CUBN: variants seen among roughly 807,000 people sequenced by gnomAD.
CUBN encodes the protein cubilin.
Under a neutral mutation model 405.3 loss-of-function variants are expected in CUBN, and 282 were observed. The observed-to-expected ratio is 0.70, with a 90% CI of 0.63 to 0.77. CUBN has a LOEUF of 0.77. CUBN is among the 30% of genes least tolerant of loss of function. The probability of loss-of-function intolerance (pLI) is 0.00; values close to 1 mark genes in which losing one functional copy is unlikely to be tolerated. For synonymous variants in CUBN, 1,684 were observed against 1,617.0 expected, an observed-to-expected ratio of 1.04 and a Z score of -0.99; for missense variants, 4,514 against 4,475.2, an observed-to-expected ratio of 1.01 and a Z score of -0.25.
intron 6 of CUBN, among the ~76,000 whole-genome samples, chr10:17,121,094 T>C (rs1336717519): frequency 6.6e-6 from 1 of 152,152 alleles, no homozygotes; most frequent in Non-Finnish European, 1.5e-5. Flanking sequence ...TTCATTTAAA[T>C]GAGAAACAGA....
At chr10:17,107,272 A>G (rs895593159) in intron 10 of CUBN, among the ~76,000 whole-genome samples, 1 of 152,188 alleles carries the variant, frequency 6.6e-6, no homozygotes, top group Admixed American at 6.5e-5. Context: ...TTTCTCACTT[A>G]ATAGCAAAAA....
chr10:16,869,293 G>A (rs545426503), intron 59 of CUBN, among the ~76,000 whole-genome samples: 10 of 150,838 alleles, frequency 6.6e-5, no homozygotes, highest in East Asian at 2.0e-4. Context: ...AGCCTCCTGC[G>A]TAGCTGGGAT....
intron 59 of CUBN, among the ~76,000 whole-genome samples, chr10:16,863,564 T>C (rs1840079081): frequency 6.6e-6 from 1 of 151,332 alleles, no homozygotes; most frequent in South Asian, 2.1e-4. Context: ...GACATATACA[T>C]ATATTTTTTA....
At chr10:16,862,158 T>TCACACACACA (rs796948941) in intron 59 of CUBN, among the ~76,000 whole-genome samples, 3 of 90,848 alleles carry the variant, frequency 3.3e-5, no homozygotes, top group South Asian at 4.5e-4. Flanking sequence ...TCTCTCTCTC[T>TCACACACACA]CTCACACACA....
At chr10:16,922,132 A>G (rs1842051507) in intron 43 of CUBN, among the ~76,000 whole-genome samples, 1 of 137,960 alleles carries the variant, frequency 7.2e-6, no homozygotes, top group African/African-American at 2.6e-5. Context: ...CCATGAGGAC[A>G]TGGATTTTGT....
intron 14 of CUBN, among the ~76,000 whole-genome samples, chr10:17,090,966 G>A (rs1157875057): frequency 1.3e-5 from 2 of 151,864 alleles, no homozygotes; most frequent in Non-Finnish European, 2.9e-5. Context: ...GTCTAGAGAC[G>A]ATGACACACC....
At position 16,939,004 on chromosome 10, in the gene CUBN, C is replaced by T. The variant is rs1486145052; in HGVS notation, c.5692G>A (p.Asp1898Asn). 6 of 1,613,866 alleles carry T rather than the reference C, an allele frequency of 3.7e-6. No individual in the cohort carries two copies. The highest frequency in any genetic ancestry group is 1.1e-5 in the South Asian group (1 of 91,070). Residue 1898 changes from aspartate to asparagine, a missense_variant, in exon 38 of 67, where the codon GAC becomes AAC. Transcript: ENST00000377833. ...HVVHGRILEMDIEEIQNCYYD... is the reference protein window; with the variant it reads ...HVVHGRILEMNIEEIQNCYYD... Reference sequence around the variant, plus strand: ...TAGCAGTTTTGTATTTCTTCTATGTCCATCTCCAAGATTCTACCATGGACA... The same window carrying T: ...TAGCAGTTTTGTATTTCTTCTATGTTCATCTCCAAGATTCTACCATGGACA...
Position 16,828,834 on chromosome 10 carries a change from A to C in CUBN, c.10735T>G (p.Ser3579Ala). 2.5e-6 allele frequency: 4 copies of C among 1,613,786 alleles called. No individual in the cohort carries two copies. The highest frequency in any genetic ancestry group is 3.4e-6 in the Non-Finnish European group (4 of 1,179,684). The stretch of plus-strand genomic sequence containing the variant: ...CCGCAGTATGGTCCAGAGGATGGAG[A>C]GCTGGCGTTGGGCCCATCATAGAGT... ...LTLYDGPNAS[S>A]PSSGPYCGGD... is the part of the protein sequence containing the mutation. The change falls in exon 66 of 67, where the codon TCT becomes GCT. Residue 3579 changes from serine to alanine, a missense_variant. Physicochemically the swap from Ser to Ala is moderately conservative, Grantham distance 99. Transcript: ENST00000377833.
chr10:17,043,936 A>G lies in CUBN; in HGVS notation c.3720T>C (p.Cys1240=), dbSNP rs751959873. 7 of 1,613,684 alleles carry G rather than the reference A, an allele frequency of 4.3e-6. No homozygotes were observed. Among genetic ancestry groups the G allele is most frequent in the Non-Finnish European group, 5.9e-6 (7 of 1,179,732 alleles). The change falls in exon 26 of 67, where the codon TGT becomes TGC. Residue 1240 remains cysteine, a synonymous_variant. Transcript: ENST00000377833. ...SSNSHLLTQL[C]GDEKPPLIRS... ...GAATAAGAGGGGGTTTCTCATCCCC[A>G]CAAAGCTGAGTTAGCAGATGAGAGT... is the stretch of plus-strand genomic sequence containing the variant.
At chr10:17,096,732 CA>C (rs1836382408) in intron 14 of CUBN, among the ~76,000 whole-genome samples, 1 of 151,794 alleles carries the variant, frequency 6.6e-6, no homozygotes, top group Non-Finnish European at 1.5e-5. Flanking sequence ...ATAAATGCAC[CA>C]AAATAGACTT....
intron 59 of CUBN, among the ~76,000 whole-genome samples, chr10:16,859,561 G>A (rs1839957528): frequency 6.6e-6 from 1 of 152,186 alleles, no homozygotes; most frequent in South Asian, 2.1e-4. Context: ...GCCAGAGCAT[G>A]ATGGAATAGC....
chr10:17,125,261 C>A (rs929187385), intron 4 of CUBN, among the ~76,000 whole-genome samples: 2 of 151,818 alleles, frequency 1.3e-5, no homozygotes, highest in African/African-American at 4.9e-5. Context: ...CACACACATA[C>A]AAATACAACA....
At chr10:16,901,587 C>T in intron 51 of CUBN, 128 bp from the exon 52 acceptor site, 1 of 1,254,130 alleles carries the variant, frequency 8.0e-7, no homozygotes, top group Non-Finnish European at 1.1e-6. Context: ...GGCATGGTGG[C>T]TCACGCCAGT....
At position 16,948,476 on chromosome 10, in the gene CUBN, AC is replaced by A; in HGVS notation, c.5209+1del. 6.2e-7 allele frequency: 1 copy of A among 1,613,898 alleles called. No individual in the cohort carries two copies. The highest frequency in any genetic ancestry group is 8.5e-7 in the Non-Finnish European group (1 of 1,179,896). On this transcript the variant is annotated splice_donor_variant, in intron 35 of 66. Coordinates refer to ENST00000377833, the MANE Select transcript of CUBN (RefSeq NM_001081.4). LOFTEE classifies it high-confidence loss of function. ...CTAGAGTCAGGTGCTAGGGTTTCTTACCCGACACTGATGCGGTGACCGTGGT... is the reference window on the plus strand; with the variant it reads ...CTAGAGTCAGGTGCTAGGGTTTCTTACCGACACTGATGCGGTGACCGTGGT...
In CUBN at chr10:17,115,533, C is replaced by A; in HGVS notation, c.658G>T (p.Gly220Cys). The A allele has an allele frequency of 6.2e-7, 1 of 1,614,172 alleles. No individual in the cohort carries two copies. The highest frequency in any genetic ancestry group is 8.5e-7 in the Non-Finnish European group (1 of 1,180,040). ...CCATGGACACAGCGTGCCACAGAAC[C>A]CCCTTCACAGTCGTCATATTTGGAT... ...CASKYDDCEG[G>C]SVARCVHGIC... The change falls in exon 7 of 67, where the codon GGT (glycine) becomes TGT (cysteine). Residue 220 changes from glycine (G) to cysteine (C), a missense_variant. Around this residue, in one of 5 missense-constraint regions of CUBN, gnomAD observed 1,448 missense variants for 1,388.0 expected, o/e 1.04. Coordinates refer to ENST00000377833, the MANE Select transcript of CUBN (RefSeq NM_001081.4).
chr10:16,966,719 G>T (rs1295489284), intron 31 of CUBN, among the ~76,000 whole-genome samples: 1 of 152,144 alleles, frequency 6.6e-6, no homozygotes, highest in African/African-American at 2.4e-5. Flanking sequence ...AAAGTGCTGG[G>T]ATTACAGGCA....
At chr10:16,958,704 A>G (rs920749199) in intron 31 of CUBN, among the ~76,000 whole-genome samples, 4 of 152,178 alleles carry the variant, frequency 2.6e-5, no homozygotes, top group South Asian at 2.1e-4. Context: ...GTCTCATTCA[A>G]TGTAGGCTAG....
intron 46 of CUBN, 129 bp downstream of exon 46, chr10:16,915,692 T>C: frequency 1.3e-6 from 1 of 787,072 alleles, no homozygotes; most frequent in African/African-American, 1.7e-5. Flanking sequence ...TGCCCAAAGC[T>C]CATTAGTCTG....
chr10:17,035,961 G>C (rs1588600881), intron 27 of CUBN, among the ~76,000 whole-genome samples: 2 of 151,880 alleles, frequency 1.3e-5, no homozygotes, highest in South Asian at 4.2e-4. Flanking sequence ...TAATAAATAA[G>C]TTCAGGGTAT....
Sources: allele counts gnomAD v4.1 joint callset (sites outside exome capture counted in the v4.1 genomes callset), GRCh38; gene constraint gnomAD v4.1.1; regional missense constraint gnomAD v4.1.1; transcripts MANE v1.5; gene names NCBI Gene and HGNC (gene_info 2026-07-23, HGNC 2026-07-21).